Variants in COL5A1 observed in about 807,000 individuals in gnomAD.
COL5A1 encodes the protein collagen alpha-1(V) chain.
A neutral mutation model predicts 263.7 loss-of-function variants in COL5A1; 16 were observed. That is an observed-to-expected ratio of 0.06 (90% CI 0.04 to 0.09). The LOEUF (loss-of-function observed/expected upper bound fraction) is 0.09, where lower values mean the gene tolerates loss of function less well. Among genes scored for constraint, COL5A1 ranks in the 10% least tolerant of loss-of-function variants. COL5A1 has a pLI of 1.00. For missense variants in COL5A1, 2,036 were observed against 2,540.5 expected (o/e 0.80, Z 4.27); for synonymous variants, 1,012 against 1,004.5 (o/e 1.01, Z -0.14).
At chr9:134,746,249 A>G (rs75382225) in intron 11 of COL5A1, among the ~76,000 whole-genome samples, 2,810 of 152,266 alleles carry the variant, frequency 0.018, 101 homozygotes, top group African/African-American at 0.063. Flanking sequence ...ACAGAACCAC[A>G]TGCACACAAA....
chr9:134,823,072 G>T (rs199888222), intron 60 of COL5A1, 39 bp downstream of exon 60: 193 of 1,612,294 alleles, frequency 1.2e-4, no homozygotes, highest in Non-Finnish European at 1.6e-4. Flanking sequence ...ATGCCTGGAA[G>T]GTAGGGGAGG....
At position 134,664,627 on chromosome 9, in the gene COL5A1, A is replaced by G. The variant is rs528243629; in HGVS notation, c.109+22331A>G. ...AAGGAGAGAATGGAGGTGAATCCCC[A>G]GGGAGAGGCACTGCTCCCTCGGCCA... On this transcript the variant is annotated intron_variant, in intron 1 of 65. Coordinates refer to ENST00000371817, the MANE Select transcript of COL5A1 (RefSeq NM_000093.5). Among the ~76,000 whole-genome samples the G allele has an allele frequency of 1.1e-3, 163 of 152,356 alleles. 1 individual carries two copies. The highest frequency in any genetic ancestry group is 3.7e-3 in the African/African-American group (152 of 41,588).
At chr9:134,773,886 C>T (rs1031128150) in intron 26 of COL5A1, among the ~76,000 whole-genome samples, 1 of 152,230 alleles carries the variant, frequency 6.6e-6, no homozygotes, top group Admixed American at 6.5e-5. Flanking sequence ...GGGGTGAACC[C>T]TCCCCTCGGC....
At chr9:134,787,349 C>T (rs913149186) in intron 31 of COL5A1, among the ~76,000 whole-genome samples, 1 of 152,190 alleles carries the variant, frequency 6.6e-6, no homozygotes, top group African/African-American at 2.4e-5. Flanking sequence ...TGGGTCCTGC[C>T]CCCTGCCTAG....
At chr9:134,665,746 T>C (rs1254038378) in intron 1 of COL5A1, among the ~76,000 whole-genome samples, 11 of 152,200 alleles carry the variant, frequency 7.2e-5, no homozygotes, top group Admixed American at 7.2e-4. Flanking sequence ...AGCAAGCAGC[T>C]GGCCTTTGGC....
Position 134,796,763 on chromosome 9 carries a change from G to T in COL5A1, c.2845-85G>T, listed in dbSNP as rs1837924382. 8 of 1,279,548 alleles carry T rather than the reference G, an allele frequency of 6.3e-6. No individual in the cohort carries two copies. The South Asian group carries it at 9.5e-5, about 15-fold the overall frequency. The allele number at this position is 1,279,548 out of a possible 1,614,324, so 79.3% of individuals were successfully genotyped here. On this transcript the variant is annotated intron_variant, in intron 35 of 65. Coordinates refer to ENST00000371817, the MANE Select transcript of COL5A1 (RefSeq NM_000093.5). ...TGGGAAGAAATGACACCTGCGTTCAGAGAGCCACCGGCACAGGCAGGTCAG... is the reference window on the plus strand; with the variant it reads ...TGGGAAGAAATGACACCTGCGTTCATAGAGCCACCGGCACAGGCAGGTCAG...
At chr9:134,697,186 C>T (rs908616248) in intron 2 of COL5A1, among the ~76,000 whole-genome samples, 30 of 152,148 alleles carry the variant, frequency 2.0e-4, no homozygotes, top group African/African-American at 7.0e-4. Flanking sequence ...TCCCAGAGTG[C>T]CCGGACAGCG....
Position 134,789,365 on chromosome 9 carries a change from C to A in COL5A1, c.2700+157C>A, listed in dbSNP as rs963134079. Among the ~76,000 whole-genome samples, 1 of 152,052 alleles carries A rather than the reference C, an allele frequency of 6.6e-6. No individual in the cohort carries two copies. The highest frequency in any genetic ancestry group is 6.5e-5 in the Admixed American group (1 of 15,272). ...CTTAAGCTCTTGAACTTCAGCACCA[C>A]GTGTTGGTGACACTCTCCAGACGCT... On this transcript the variant is annotated intron_variant, in intron 32 of 65. Coordinates refer to ENST00000371817, the MANE Select transcript of COL5A1 (RefSeq NM_000093.5). The surrounding 1 kb of genome is among the most constrained non-coding windows in gnomAD (Gnocchi z 4.8).
chr9:134,643,118 C>A (rs535697953), intron 1 of COL5A1, among the ~76,000 whole-genome samples: 3 of 152,174 alleles, frequency 2.0e-5, no homozygotes, highest in African/African-American at 4.8e-5. Context: ...CGCTTCAAGG[C>A]GGGGACTGTC....
chr9:134,666,743 G>C (rs985729923), intron 1 of COL5A1, among the ~76,000 whole-genome samples: 3 of 152,196 alleles, frequency 2.0e-5, no homozygotes, highest in Non-Finnish European at 2.9e-5. Context: ...TCTGCCAGCG[G>C]GTATGGGGAC....
intron 26 of COL5A1, among the ~76,000 whole-genome samples, chr9:134,773,342 C>T (rs566897076): frequency 8.6e-5 from 13 of 152,038 alleles, no homozygotes; most frequent in South Asian, 8.3e-4. Context: ...CGTCCACCAG[C>T]GCCTTCTCTC....
intron 57 of COL5A1, 32 bp from the exon 58 acceptor site, chr9:134,820,084 A>G (rs1453387707): frequency 3.2e-6 from 5 of 1,569,648 alleles, no homozygotes; most frequent in East Asian, 4.5e-5. Context: ...TGGCTCCCTC[A>G]AATGCCCCTT....
intron 1 of COL5A1, among the ~76,000 whole-genome samples, chr9:134,687,279 T>C (rs1833110432): frequency 6.6e-6 from 1 of 152,212 alleles, no homozygotes; most frequent in Non-Finnish European, 1.5e-5. Flanking sequence ...ATTTGCACCC[T>C]GCATCCTTAT....
chr9:134,752,424 G>C (rs949630000), intron 13 of COL5A1, among the ~76,000 whole-genome samples, 165 bp from the exon 14 acceptor site: 20 of 145,750 alleles, frequency 1.4e-4, no homozygotes, highest in East Asian at 6.4e-4. Flanking sequence ...GAAGTCGGGG[G>C]GGGGGGGCCC....
intron 27 of COL5A1, among the ~76,000 whole-genome samples, chr9:134,778,891 A>AGT (rs1457064212): frequency 2.0e-5 from 3 of 152,170 alleles, no homozygotes; most frequent in African/African-American, 7.2e-5. Context: ...CTGGCACTGG[A>AGT]GTGGAAGGCG....
At chr9:134,814,946 C>A in intron 50 of COL5A1, 42 bp downstream of exon 50, 2 of 1,401,262 alleles carry the variant, frequency 1.4e-6, no homozygotes, top group South Asian at 1.2e-5. Context: ...GCAGCAGGGG[C>A]GGGGCTCTGC....
In COL5A1 at chr9:134,652,286, G is replaced by GGGCC. The variant is rs1419179379; in HGVS notation, c.109+9993_109+9996dup. Reference sequence around the variant, plus strand: ...GGTTGAGAACACACAGGGCGTCCTTGGGCCGGTGTGGCGGTAACAGTGAGC... The same window carrying GGGCC: ...GGTTGAGAACACACAGGGCGTCCTTGGGCCGGCCGGTGTGGCGGTAACAGTGAGC... On this transcript the variant is annotated intron_variant, in intron 1 of 65. Coordinates refer to ENST00000371817, the MANE Select transcript of COL5A1 (RefSeq NM_000093.5). The surrounding 1 kb of genome is among the most constrained non-coding windows in gnomAD (Gnocchi z 4.4). 6.6e-6 allele frequency among the ~76,000 whole-genome samples: 1 copy of GGGCC among 152,132 alleles called. No individual in the cohort carries two copies. The highest frequency in any genetic ancestry group is 2.4e-5 in the African/African-American group (1 of 41,418).
intron 29 of COL5A1, among the ~76,000 whole-genome samples, chr9:134,783,885 T>C (rs938129080): frequency 6.6e-6 from 1 of 151,610 alleles, no homozygotes; most frequent in Admixed American, 6.6e-5. Flanking sequence ...CTCGGTTTGA[T>C]GGTGAAAGTC....
At chr9:134,837,254 C>T (rs1839880562) in intron 65 of COL5A1, among the ~76,000 whole-genome samples, 1 of 152,188 alleles carries the variant, frequency 6.6e-6, no homozygotes, top group African/African-American at 2.4e-5. Context: ...TTTGAGCTTC[C>T]TGGCTTCCAT....
Sources: allele counts gnomAD v4.1 joint callset (sites outside exome capture counted in the v4.1 genomes callset), GRCh38; gene constraint gnomAD v4.1.1; non-coding constraint Gnocchi (gnomAD v3.1); transcripts MANE v1.5; gene names NCBI Gene and HGNC (gene_info 2026-07-23, HGNC 2026-07-21).